ABCC9: variants seen among roughly 807,000 people sequenced by gnomAD.
ABCC9 encodes the protein ATP-binding cassette sub-family C member 9.
ABCC9 carries 95 observed loss-of-function variants against 188.3 expected under a neutral mutation model. That is an observed-to-expected ratio of 0.50 (90% confidence interval 0.43 to 0.60). The LOEUF (loss-of-function observed/expected upper bound fraction) is 0.60, where lower values mean the gene tolerates loss of function less well. Ranked by LOEUF, ABCC9 falls within the 20% of genes least tolerant of loss-of-function variation. The probability of loss-of-function intolerance (pLI) is 0.00; values close to 1 mark genes in which losing one functional copy is unlikely to be tolerated. For missense variants in ABCC9, 1,102 were observed against 1,876.3 expected, an observed-to-expected ratio of 0.59 and a Z score of 7.62; for synonymous variants, 659 against 652.7, an observed-to-expected ratio of 1.01 and a Z score of -0.15.
At position 21,883,535 on chromosome 12, in the gene ABCC9, C is replaced by G. The variant is rs554423139; in HGVS notation, c.1912-662G>C. 5.3e-5 allele frequency among the ~76,000 whole-genome samples: 8 copies of G among 152,288 alleles called. 1 individual carries two copies. The East Asian group carries it at 1.5e-3, about 29-fold the overall frequency. The stretch of plus-strand genomic sequence containing the variant: ...CTCTTTCCTTTATAAATTACCCAGT[C>G]TCAGGTATGTCTTTATTAGCAGTGT... On this transcript the variant is annotated intron_variant, in intron 15 of 39. Coordinates refer to ENST00000261200, the MANE Select transcript of ABCC9 (RefSeq NM_020297.4).
chr12:21,801,310 C>A, intron 39 of ABCC9, 129 bp from the exon 40 acceptor site: 5 of 1,150,514 alleles, frequency 4.3e-6, no homozygotes, highest in Non-Finnish European at 6.3e-6. Context: ...ATGTAGGGAT[C>A]ACAGACACCT....
chr12:21,805,883 A>G, intron 39 of ABCC9, 115 bp downstream of exon 39: 1 of 1,024,830 alleles, frequency 9.8e-7, no homozygotes, highest in South Asian at 1.3e-5. Flanking sequence ...AGATACAGAA[A>G]CATTAGCAGA....
At chr12:21,877,815 G>C (rs1347901464) in intron 16 of ABCC9, among the ~76,000 whole-genome samples, 7 of 152,168 alleles carry the variant, frequency 4.6e-5, no homozygotes, top group Non-Finnish European at 8.8e-5. Context: ...ATAGCTATTG[G>C]GGGAGGGGAG....
intron 7 of ABCC9, among the ~76,000 whole-genome samples, chr12:21,913,941 C>G (rs993378685): frequency 3.3e-5 from 5 of 152,154 alleles, no homozygotes; most frequent in African/African-American, 1.2e-4. Context: ...AAGCTAATCT[C>G]TGTTGTAAAG....
At chr12:21,903,380 T>G (rs1022239187) in intron 12 of ABCC9, among the ~76,000 whole-genome samples, 12 of 152,178 alleles carry the variant, frequency 7.9e-5, no homozygotes, top group African/African-American at 2.9e-4. Context: ...AAGACAGGGA[T>G]GCCCTCTCTC....
rs147820134 is a variant in ABCC9, at chr12:21,822,715, C to T, written c.3670-4464G>A. Among the ~76,000 whole-genome samples the T allele has an allele frequency of 1.9e-3, 276 of 146,606 alleles. 3 individuals are homozygous for T. Among genetic ancestry groups the T allele is most frequent in the African/African-American group, 6.7e-3 (258 of 38,782 alleles). On this transcript the variant is annotated intron_variant, in intron 31 of 39. Coordinates refer to ENST00000261200, the MANE Select transcript of ABCC9 (RefSeq NM_020297.4). ...CTGAGGCAGAAGAATCACTTGAACC[C>T]GGGAGGCAGAGGTTGCAGTAAGCTG... is the stretch of plus-strand genomic sequence containing the variant.
chr12:21,845,442 T>C (rs1944606920), intron 26 of ABCC9, among the ~76,000 whole-genome samples, 161 bp downstream of exon 26: 1 of 152,192 alleles, frequency 6.6e-6, no homozygotes, highest in Non-Finnish European at 1.5e-5. Context: ...ACATTTTTGA[T>C]AGTTTATTCT....
chr12:21,860,010 C>A (rs929701669), intron 21 of ABCC9, among the ~76,000 whole-genome samples: 4 of 151,968 alleles, frequency 2.6e-5, no homozygotes, highest in African/African-American at 9.7e-5. Context: ...ACTTAACATA[C>A]AACCCAAATT....
chr12:21,797,864 G>A lies in ABCC9; in HGVS notation c.*3180C>T, dbSNP rs1941226675. The stretch of plus-strand genomic sequence containing the variant: ...TTATTGCTTCTTATGAGATTAAGGA[G>A]TTATGATTTAAAAATTGATTTGACT... On this transcript the variant is annotated 3_prime_UTR_variant, in exon 40 of 40. Transcript: ENST00000261200. The A allele has an allele frequency of 1.3e-5, 2 of 152,106 alleles. No homozygotes were observed. The highest frequency in any genetic ancestry group is 2.9e-5 in the Non-Finnish European group (2 of 68,026). The allele number at this position is 152,106 out of a possible 1,614,324, so 9.4% of individuals were successfully genotyped here.
chr12:21,906,032 A>G (rs1948027025), intron 12 of ABCC9, 94 bp downstream of exon 12: 8 of 1,388,224 alleles, frequency 5.8e-6, no homozygotes, highest in Middle Eastern at 1.8e-4. Flanking sequence ...TTGAAGAACT[A>G]GAATGTTTCA....
At chr12:21,842,209 GTT>G in intron 29 of ABCC9, 103 bp downstream of exon 29, 2 of 1,392,304 alleles carry the variant, frequency 1.4e-6, no homozygotes, top group Non-Finnish European at 2.0e-6. Flanking sequence ...TTCGTGGAAT[GTT>G]TTCTTTCCAA....
chr12:21,910,814 G>A lies in ABCC9; in HGVS notation c.1164+12C>T. On this transcript the variant is annotated intron_variant, in intron 9 of 39. Transcript: ENST00000261200. ...TCTTAGGAAACAAATAGTATTCACA[G>A]CCTTTACATACCAGCAGAGCTCCAC... 1.2e-6 allele frequency: 2 copies of A among 1,603,146 alleles called. No homozygotes were observed. Among genetic ancestry groups the A allele is most frequent in the Non-Finnish European group, 1.7e-6 (2 of 1,170,418 alleles).
At chr12:21,875,900 C>T (rs1298447772) in intron 16 of ABCC9, among the ~76,000 whole-genome samples, 174 bp from the exon 17 acceptor site, 4 of 151,910 alleles carry the variant, frequency 2.6e-5, no homozygotes, top group Admixed American at 1.3e-4. Context: ...CTGGCTAACA[C>T]GGTGAAACCC....
chr12:21,805,196 G>C, intron 39 of ABCC9: 3 of 1,614,042 alleles, frequency 1.9e-6, no homozygotes, highest in Non-Finnish European at 2.5e-6. Context: ...CATCACCAAA[G>C]TGGAAAAGAG....
At chr12:21,809,364 C>G (rs1450142468) in intron 37 of ABCC9, among the ~76,000 whole-genome samples, 2 of 152,090 alleles carry the variant, frequency 1.3e-5, no homozygotes, top group Non-Finnish European at 2.9e-5. Flanking sequence ...TGTCTTCAAA[C>G]ACAAAGAAAA....
At position 21,818,515 on chromosome 12, in the gene ABCC9, GAT is replaced by G. The variant is rs1221408565; in HGVS notation, c.3670-266_3670-265del. On this transcript the variant is annotated intron_variant, in intron 31 of 39. Transcript: ENST00000261200. ...ATATATATCTATATATAACTATATA[GAT>G]ATATATATATGTGTGTGTGTGTGTG... Among the ~76,000 whole-genome samples, 158 of 126,460 alleles carry G rather than the reference GAT, an allele frequency of 1.2e-3. 1 individual carries two copies. In the South Asian group the frequency reaches 0.016, roughly 13 times the overall value. 83.0% of individuals were successfully genotyped at this position (126,460 alleles called of 152,430 possible).
At chr12:21,863,083 A>G in intron 19 of ABCC9, 29 bp from the exon 20 acceptor site, 3 of 1,356,948 alleles carry the variant, frequency 2.2e-6, no homozygotes, top group Non-Finnish European at 3.2e-6. Flanking sequence ...AAAAAAAAAC[A>G]CCAGGATTAT....
intron 4 of ABCC9, among the ~76,000 whole-genome samples, chr12:21,926,465 A>G (rs986922985): frequency 6.6e-6 from 1 of 152,194 alleles, no homozygotes; most frequent in South Asian, 2.1e-4. Context: ...GTCTTCAGTG[A>G]TTTCTCCATT....
intron 7 of ABCC9, among the ~76,000 whole-genome samples, chr12:21,915,335 A>G (rs2137911825): frequency 1.5e-5 from 2 of 136,740 alleles, no homozygotes; most frequent in East Asian, 4.2e-4. Context: ...GTGTGTATAT[A>G]TAGACATGTG....
Sources: allele counts gnomAD v4.1 joint callset (sites outside exome capture counted in the v4.1 genomes callset), GRCh38; gene constraint gnomAD v4.1.1; transcripts MANE v1.5; gene names NCBI Gene and HGNC (gene_info 2026-07-23, HGNC 2026-07-21).